PCDH9: variants seen among roughly 807,000 people sequenced by gnomAD.
The protein encoded by PCDH9 is protocadherin-9.
PCDH9 carries 24 observed loss-of-function variants against 70.6 expected under a neutral mutation model. The ratio of observed to expected loss-of-function variants is 0.34; its 90% CI spans 0.25 to 0.48. The LOEUF is 0.48. Ranked by LOEUF, PCDH9 falls within the 20% of genes least tolerant of loss-of-function variation. PCDH9 has a pLI of 0.99. For missense variants in PCDH9, 1,281 were observed against 1,503.6 expected, an observed-to-expected ratio of 0.85 and a Z score of 2.45; for synonymous variants, 562 against 558.5, an observed-to-expected ratio of 1.01 and a Z score of -0.09.
At chr13:66,775,216 A>G (rs9564348) in intron 3 of PCDH9, among the ~76,000 whole-genome samples, 56,726 of 152,100 alleles carry the variant, frequency 0.37, 10,860 homozygotes, top group East Asian at 0.57. Flanking sequence ...TGTCTTAGGA[A>G]GCATGTAGTA....
At chr13:67,216,171 GAATTT>G (rs1366076905) in intron 2 of PCDH9, 2 of 151,870 alleles carry the variant, frequency 1.3e-5, no homozygotes, top group Non-Finnish European at 2.9e-5. Flanking sequence ...AGCTAAAGCA[GAATTT>G]AATTGTCTAA....
At chr13:67,007,427 T>C (rs541088112) in intron 2 of PCDH9, among the ~76,000 whole-genome samples, 5 of 152,124 alleles carry the variant, frequency 3.3e-5, no homozygotes, top group Middle Eastern at 3.2e-3. Flanking sequence ...AGTGGGTTTC[T>C]GAGGGGTTTT....
At chr13:66,643,665 T>C (rs1157924427) in intron 3 of PCDH9, among the ~76,000 whole-genome samples, 2 of 152,090 alleles carry the variant, frequency 1.3e-5, no homozygotes, top group South Asian at 4.1e-4. Context: ...AGGTAGCTTC[T>C]GTAAAATGCT....
chr13:66,573,773 G>C (rs1475187883), intron 4 of PCDH9, among the ~76,000 whole-genome samples: 2 of 149,256 alleles, frequency 1.3e-5, no homozygotes, highest in Non-Finnish European at 3.0e-5. Context: ...TTGTTTTTTT[G>C]GTGCCAAATC....
chr13:66,879,406 T>C (rs2081881783), intron 3 of PCDH9, among the ~76,000 whole-genome samples: 1 of 151,900 alleles, frequency 6.6e-6, no homozygotes, highest in East Asian at 1.9e-4. Context: ...AATAGATGAT[T>C]AAAAAAAACA....
chr13:67,197,567 C>T (rs2089100935), intron 2 of PCDH9, among the ~76,000 whole-genome samples: 1 of 151,918 alleles, frequency 6.6e-6, no homozygotes, highest in South Asian at 2.1e-4. Flanking sequence ...TCTGTGGGAA[C>T]TTTGATCTGC....
At chr13:66,618,193 T>A (rs1407243421) in intron 4 of PCDH9, among the ~76,000 whole-genome samples, 1 of 152,182 alleles carries the variant, frequency 6.6e-6, no homozygotes, top group Non-Finnish European at 1.5e-5. Context: ...AACATTCAAA[T>A]TGTCTGCGAG....
chr13:66,886,442 A>T (rs2082005668), intron 3 of PCDH9, among the ~76,000 whole-genome samples: 1 of 152,040 alleles, frequency 6.6e-6, no homozygotes, highest in East Asian at 1.9e-4. Context: ...TTCTACTTTG[A>T]GCTTGCTGGA....
chr13:66,934,886 A>T (rs1161805859), intron 2 of PCDH9, among the ~76,000 whole-genome samples: 1 of 145,738 alleles, frequency 6.9e-6, no homozygotes, highest in Non-Finnish European at 1.5e-5. Flanking sequence ...ACGCCCGGCT[A>T]ATTTTTTGTA....
chr13:66,552,643 A>G (rs1961537685), intron 4 of PCDH9, among the ~76,000 whole-genome samples: 1 of 152,180 alleles, frequency 6.6e-6, no homozygotes, highest in African/African-American at 2.4e-5. Flanking sequence ...GATACATGGA[A>G]GTAAAAAGAT....
intron 4 of PCDH9, among the ~76,000 whole-genome samples, chr13:66,436,984 T>C (rs1272926620): frequency 6.6e-6 from 1 of 151,688 alleles, no homozygotes; most frequent in Middle Eastern, 3.2e-3. Flanking sequence ...GTAATTCTCT[T>C]TGTTGTATGT....
chr13:67,120,233 T>C lies in PCDH9; in HGVS notation c.3036+105172A>G, dbSNP rs12876475. Among the ~76,000 whole-genome samples, 1,044 of 142,594 alleles carry C rather than the reference T, an allele frequency of 7.3e-3. 6 individuals are homozygous for C. Among genetic ancestry groups the C allele is most frequent in the Middle Eastern group, 0.011 (3 of 270 alleles). The allele number at this position is 142,594 out of a possible 152,430, so 93.5% of individuals were successfully genotyped here. A position where few individuals can be genotyped will look rare whatever the true frequency, so the allele number is the denominator to read the frequency against. On this transcript the variant is annotated intron_variant, in intron 2 of 4. Transcript: ENST00000377865. ...TAATAATAAAGGGTCTGAATTGATA[T>C]CCTGAAAAAGGCTGATACATCCAGA...
At chr13:67,195,294 T>A (rs529479229) in intron 2 of PCDH9, among the ~76,000 whole-genome samples, 9 of 151,838 alleles carry the variant, frequency 5.9e-5, no homozygotes, top group South Asian at 2.1e-4. Context: ...ACAGGCGCCC[T>A]CCACCACGCC....
intron 4 of PCDH9, among the ~76,000 whole-genome samples, chr13:66,429,161 T>C (rs1479446741): frequency 6.6e-6 from 1 of 151,860 alleles, no homozygotes; most frequent in Non-Finnish European, 1.5e-5. Flanking sequence ...ACTCTGATAC[T>C]GACTATTGCA....
rs116888609 is a variant in PCDH9, at chr13:66,362,728, G to T, written c.3341-57700C>A. 5.0e-3 allele frequency among the ~76,000 whole-genome samples: 755 copies of T among 152,046 alleles called. 21 individuals are homozygous for T. The East Asian group carries it at 0.074, about 15-fold the overall frequency. On this transcript the variant is annotated intron_variant, in intron 4 of 4. Transcript: ENST00000377865. ...ATTAAGGGTATGTTTCTGTGTGTGT[G>T]CATCTGATTCTGGAAGCTGATGGGG...
intron 2 of PCDH9, among the ~76,000 whole-genome samples, chr13:66,954,417 G>T (rs1165177684): frequency 1.3e-5 from 2 of 152,100 alleles, no homozygotes; most frequent in African/African-American, 4.8e-5. Flanking sequence ...TTTAACCTGG[G>T]CCCATGGCTC....
chr13:66,772,855 T>C (rs2079829772), intron 3 of PCDH9, among the ~76,000 whole-genome samples: 1 of 152,078 alleles, frequency 6.6e-6, no homozygotes, highest in Non-Finnish European at 1.5e-5. Context: ...ATTAAAGTCA[T>C]TTTAATTTCT....
intron 2 of PCDH9, among the ~76,000 whole-genome samples, chr13:66,932,568 G>T (rs1165931628): frequency 6.6e-6 from 1 of 151,290 alleles, no homozygotes; most frequent in African/African-American, 2.4e-5. Flanking sequence ...ATTCCCACTT[G>T]TGAGAAAAGA....
intron 4 of PCDH9, among the ~76,000 whole-genome samples, chr13:66,329,163 T>A (rs17081132): frequency 0.038 from 5,791 of 152,264 alleles, 186 homozygotes; most frequent in Admixed American, 0.09. Flanking sequence ...ATATATCATT[T>A]AACCAAGGTA....
Sources: gnomAD v4.1 joint callset for allele counts (sites outside exome capture counted in the v4.1 genomes callset) on GRCh38, gnomAD v4.1.1 for gene constraint, MANE v1.5 for transcripts, NCBI Gene and HGNC (gene_info 2026-07-23, HGNC 2026-07-21) for gene names.